The following AP3D1 variants were observed in gnomAD, a reference collection of about 807,000 sequenced individuals.
AP3D1 encodes AP-3 complex subunit delta-1.
In AP3D1, 51 loss-of-function variants were observed where a neutral mutation model predicts 147.6. The ratio of observed to expected loss-of-function variants is 0.35; its 90% confidence interval spans 0.28 to 0.44. The LOEUF (loss-of-function observed/expected upper bound fraction) is 0.44. Among genes scored for constraint, AP3D1 ranks in the 20% least tolerant of loss-of-function variants. The pLI is 1.00. For missense variants in AP3D1, 1,421 were observed against 1,624.2 expected (o/e 0.87, Z 2.15); for synonymous variants, 760 against 663.0 (o/e 1.15, Z -2.25).
chr19:2,111,468 T>A, intron 25 of AP3D1, 136 bp from the exon 26 acceptor site: 6 of 1,276,156 alleles, frequency 4.7e-6, no homozygotes, highest in South Asian at 1.4e-5. Flanking sequence ...AAGGAGCCGA[T>A]GAGGGATCCC....
chr19:2,121,435 G>A (rs535193029), intron 12 of AP3D1, 124 bp from the exon 13 acceptor site: 96 of 1,296,786 alleles, frequency 7.4e-5, no homozygotes, highest in Non-Finnish European at 7.3e-5. Context: ...TTCACAGATC[G>A]ATGCCAGGGA....
chr19:2,112,489 C>A (rs999966103), intron 24 of AP3D1: 2 of 204,574 alleles, frequency 9.8e-6, no homozygotes, highest in South Asian at 1.1e-4. Flanking sequence ...GAAGGGGATG[C>A]GTGGGTGCCA....
At chr19:2,114,647 G>GC in intron 21 of AP3D1, 101 bp downstream of exon 21, 2 of 576,120 alleles carry the variant, frequency 3.5e-6, no homozygotes, top group Middle Eastern at 3.3e-4. Context: ...ACCCCAGCCT[G>GC]CCCACCCTGC....
At chr19:2,137,219 G>A in intron 3 of AP3D1, 128 bp from the exon 4 acceptor site, 1 of 772,658 alleles carries the variant, frequency 1.3e-6, no homozygotes, top group East Asian at 2.7e-5. Context: ...CTGGACGCTG[G>A]GGCCACCAGC....
chr19:2,163,584 G>A (rs962483088), intron 1 of AP3D1, among the ~76,000 whole-genome samples: 1 of 152,038 alleles, frequency 6.6e-6, no homozygotes, highest in Non-Finnish European at 1.5e-5. Flanking sequence ...GACTCTTATG[G>A]GGGGAAATTC....
intron 1 of AP3D1, among the ~76,000 whole-genome samples, chr19:2,158,287 A>T (rs907287162): frequency 2.7e-5 from 4 of 150,824 alleles, no homozygotes; most frequent in Admixed American, 2.0e-4. Flanking sequence ...CGATCTCCTG[A>T]CCTTGTGATC....
chr19:2,147,190 C>CA (rs2019378392), intron 1 of AP3D1, among the ~76,000 whole-genome samples: 1 of 151,904 alleles, frequency 6.6e-6, no homozygotes, highest in Non-Finnish European at 1.5e-5. Context: ...ACTAAAAATA[C>CA]AAAAAATTAG....
At chr19:2,155,564 C>T (rs1050161927), upstream of AP3D1, among the ~76,000 whole-genome samples, 10 of 146,592 alleles carry the variant, frequency 6.8e-5, no homozygotes, top group African/African-American at 1.0e-4. Context: ...AAATTAAGTA[C>T]CCATCATACT....
In AP3D1 at chr19:2,123,517, A is replaced by G. The variant is rs2072304; in HGVS notation, c.907-111T>C. Reference sequence around the variant, plus strand: ...TGGCCTAAGGCCCGGCGTCAGCCCCACCCACCAATCAAAGCCCAGGAGGGA... The same window carrying G: ...TGGCCTAAGGCCCGGCGTCAGCCCCGCCCACCAATCAAAGCCCAGGAGGGA... On this transcript the variant is annotated intron_variant, in intron 10 of 31. Coordinates refer to ENST00000643116, the MANE Select transcript of AP3D1 (RefSeq NM_001261826.3). 200,376 of 1,099,028 alleles carry G rather than the reference A, an allele frequency of 0.18. 19,331 individuals carry two copies. The highest frequency in any genetic ancestry group is 0.26 in the African/African-American group (16,682 of 63,496). 68.1% of individuals were successfully genotyped at this position (1,099,028 alleles called of 1,614,324 possible).
Position 2,131,711 on chromosome 19 carries a change from G to A in AP3D1, c.462+760C>T, listed in dbSNP as rs546518719. On this transcript the variant is annotated intron_variant, in intron 5 of 31. Transcript: ENST00000643116. The stretch of plus-strand genomic sequence containing the variant: ...GGCCACGATCTAGACACCTCCGGGC[G>A]GACAGGCAGCCACGCGGGGACCGCG... 2.7e-4 allele frequency among the ~76,000 whole-genome samples: 28 copies of A among 102,218 alleles called. 2 individuals are homozygous for A. Among genetic ancestry groups the A allele is most frequent in the African/African-American group, 1.1e-3 (27 of 24,696 alleles). The allele number at this position is 102,218 out of a possible 152,430, so 67.1% of individuals were successfully genotyped here. A position where few individuals can be genotyped will look rare whatever the true frequency, so the allele number is the denominator to read the frequency against.
intron 22 of AP3D1, 36 bp downstream of exon 22, chr19:2,114,088 GA>G: frequency 6.5e-7 from 1 of 1,539,686 alleles, no homozygotes; most frequent in Non-Finnish European, 8.8e-7. Context: ...CAAGGGAGGG[GA>G]ATGGAGAAGG....
At chr19:2,144,842 G>A (rs527866514) in intron 1 of AP3D1, among the ~76,000 whole-genome samples, 1 of 152,288 alleles carries the variant, frequency 6.6e-6, no homozygotes, top group East Asian at 1.9e-4. Flanking sequence ...GGAAGAGGCT[G>A]CAGTGAGCCA....
chr19:2,147,909 G>A (rs1461362988), intron 1 of AP3D1, among the ~76,000 whole-genome samples: 1 of 151,548 alleles, frequency 6.6e-6, no homozygotes, highest in Non-Finnish European at 1.5e-5. Context: ...AAAAGGCTGG[G>A]CACCGTGGCT....
chr19:2,108,762 C>T lies in AP3D1; in HGVS notation c.3477G>A (p.Val1159=). The T allele has an allele frequency of 7.0e-6, 11 of 1,567,994 alleles. No individual in the cohort carries two copies. The highest frequency in any genetic ancestry group is 8.6e-6 in the Non-Finnish European group (10 of 1,156,634). Residue 1159 remains valine (V), a synonymous_variant, in exon 31 of 32, where the codon GTG becomes GTA. Transcript: ENST00000643116. ...TGGAGGCGCAGGAGTCCACTCGCTC[C>T]ACAACTGCAACAGAGCGGGCAGTGT... ...KICFHHHFSV[V]ERVDSCASMY...
At chr19:2,142,216 T>A (rs142519375) in intron 1 of AP3D1, among the ~76,000 whole-genome samples, 3,382 of 152,134 alleles carry the variant, frequency 0.022, 51 homozygotes, top group Middle Eastern at 0.058. Context: ...TTTAGCCATG[T>A]TGGCCAGGCT....
intron 6 of AP3D1, 48 bp downstream of exon 6, chr19:2,130,360 G>A (rs751475064): frequency 1.6e-5 from 26 of 1,611,094 alleles, no homozygotes; most frequent in African/African-American, 1.1e-4. Flanking sequence ...CCAGGGCACC[G>A]GCTGAGCCCC....
Position 2,124,082 on chromosome 19 carries a change from G to C in AP3D1, c.857-203C>G, listed in dbSNP as rs1025764309. Among the ~76,000 whole-genome samples, 4 of 152,240 alleles carry C rather than the reference G, an allele frequency of 2.6e-5. No individual in the cohort carries two copies. The South Asian group carries it at 8.3e-4, about 32-fold the overall frequency. ...ACAGGCCTGAGGATAGGAACCTGCA[G>C]GGGCCCCCACCCTCACTGACAGGAT... is the stretch of plus-strand genomic sequence containing the variant. On this transcript the variant is annotated intron_variant, in intron 9 of 31. Coordinates refer to ENST00000643116, the MANE Select transcript of AP3D1 (RefSeq NM_001261826.3).
At chr19:2,120,634 G>C (rs1340790546) in intron 14 of AP3D1, among the ~76,000 whole-genome samples, 1 of 152,224 alleles carries the variant, frequency 6.6e-6, no homozygotes, top group African/African-American at 2.4e-5. Context: ...GAACGCCACA[G>C]ATGCCCGAGG....
chr19:2,147,173 C>T lies in AP3D1; in HGVS notation c.96+4066G>A, dbSNP rs147211569. Among the ~76,000 whole-genome samples the T allele has an allele frequency of 1.6e-4, 25 of 152,102 alleles. No individual in the cohort carries two copies. The East Asian group carries it at 4.8e-3, about 29-fold the overall frequency. On this transcript the variant is annotated intron_variant, in intron 1 of 31. Coordinates refer to ENST00000643116, the MANE Select transcript of AP3D1 (RefSeq NM_001261826.3). ...CAGCCTGACCAACATGGAGAAACCC[C>T]GTCTCTACTAAAAATACAAAAAATT... is the stretch of plus-strand genomic sequence containing the variant.
Sources: allele counts gnomAD v4.1 joint callset (sites outside exome capture counted in the v4.1 genomes callset), GRCh38; gene constraint gnomAD v4.1.1; transcripts MANE v1.5; gene names NCBI Gene and HGNC (gene_info 2026-07-23, HGNC 2026-07-21).